RBFOX1: variants seen among roughly 807,000 people sequenced by gnomAD.
The protein encoded by RBFOX1 is RNA binding fox-1 homolog 1.
In RBFOX1, 8 loss-of-function variants were observed where a neutral mutation model predicts 57.7. The ratio of observed to expected loss-of-function variants is 0.14; its 90% CI spans 0.08 to 0.25. The LOEUF (loss-of-function observed/expected upper bound fraction) is 0.25, where lower values mean the gene tolerates loss of function less well. RBFOX1 is among the 10% of genes least tolerant of loss of function. The pLI is 1.00. For missense variants in RBFOX1, 611 were observed against 548.5 expected, an observed-to-expected ratio of 1.11 and a Z score of -1.14; for synonymous variants, 326 against 222.4, an observed-to-expected ratio of 1.47 and a Z score of -4.15.
intron 3 of RBFOX1, among the ~76,000 whole-genome samples, chr16:6,829,194 T>C (rs142910278): frequency 0.012 from 1,758 of 151,202 alleles, 43 homozygotes; most frequent in African/African-American, 0.041. Flanking sequence ...GTCAGATGTG[T>C]CATTTGACCC....
chr16:7,432,930 G>A (rs1018091003), intron 4 of RBFOX1, among the ~76,000 whole-genome samples: 1 of 152,214 alleles, frequency 6.6e-6, no homozygotes, highest in Non-Finnish European at 1.5e-5. Context: ...AGGATTCAAT[G>A]TGTCAAGTGG....
At chr16:6,105,734 A>G (rs1200950635) in intron 1 of RBFOX1, among the ~76,000 whole-genome samples, 2 of 151,964 alleles carry the variant, frequency 1.3e-5, no homozygotes, top group East Asian at 1.9e-4. Flanking sequence ...TGTGTCTAGA[A>G]TAGTTAATAA....
chr16:6,348,206 G>A (rs891943322), intron 2 of RBFOX1, among the ~76,000 whole-genome samples: 1 of 152,146 alleles, frequency 6.6e-6, no homozygotes, highest in Admixed American at 6.5e-5. Flanking sequence ...GCACATGTGG[G>A]GTCAGGCCAT....
chr16:5,966,945 A>T (rs2059855610), intron 4 of RBFOX1, among the ~76,000 whole-genome samples: 2 of 133,590 alleles, frequency 1.5e-5, no homozygotes, highest in African/African-American at 5.5e-5. Context: ...TCTCCAGTCT[A>T]ACACTGATTG....
At chr16:6,971,943 G>A (rs1319652940) in intron 3 of RBFOX1, among the ~76,000 whole-genome samples, 3 of 152,106 alleles carry the variant, frequency 2.0e-5, no homozygotes, top group Non-Finnish European at 2.9e-5. Flanking sequence ...CTTGAGATGC[G>A]GGAGAATGTG....
chr16:6,955,364 ACACAC>A (rs2081575540), intron 3 of RBFOX1, among the ~76,000 whole-genome samples: 1 of 151,788 alleles, frequency 6.6e-6, no homozygotes, highest in Non-Finnish European at 1.5e-5. Flanking sequence ...ACACACACAC[ACACAC>A]ACACGTGCAC....
At chr16:5,275,894 C>T (rs1039582234) in intron 1 of RBFOX1, among the ~76,000 whole-genome samples, 7 of 152,102 alleles carry the variant, frequency 4.6e-5, no homozygotes, top group Admixed American at 3.3e-4. Flanking sequence ...TAATTAATAG[C>T]CAACTGATCT....
chr16:5,466,134 T>A (rs1353161745), intron 1 of RBFOX1, among the ~76,000 whole-genome samples: 1 of 152,188 alleles, frequency 6.6e-6, no homozygotes, highest in Non-Finnish European at 1.5e-5. Context: ...CTTGTTCAAT[T>A]CTGGAATACG....
At chr16:7,063,421 T>C (rs182479601) in intron 4 of RBFOX1, among the ~76,000 whole-genome samples, 1 of 152,254 alleles carries the variant, frequency 6.6e-6, no homozygotes, top group Admixed American at 6.5e-5. Context: ...GCCAACTTCT[T>C]CCTTCTCAGA....
chr16:5,815,002 T>A (rs971661072), intron 3 of RBFOX1, among the ~76,000 whole-genome samples: 3 of 151,720 alleles, frequency 2.0e-5, no homozygotes, highest in South Asian at 2.1e-4. Flanking sequence ...TTTTTTTTTT[T>A]AAATGAGGTC....
chr16:5,371,023 C>T (rs770822066), intron 1 of RBFOX1, among the ~76,000 whole-genome samples: 2 of 152,230 alleles, frequency 1.3e-5, no homozygotes, highest in African/African-American at 4.8e-5. Context: ...TCTTGGCTCA[C>T]TGCAACCTCT....
At chr16:6,933,121 C>A (rs897312083) in intron 3 of RBFOX1, among the ~76,000 whole-genome samples, 1 of 152,166 alleles carries the variant, frequency 6.6e-6, no homozygotes, top group East Asian at 1.9e-4. Flanking sequence ...GTGTAAACCA[C>A]ATTTCTCTTA....
At chr16:5,951,842 T>C (rs891242862) in intron 4 of RBFOX1, among the ~76,000 whole-genome samples, 1 of 151,130 alleles carries the variant, frequency 6.6e-6, no homozygotes, top group Non-Finnish European at 1.5e-5. Flanking sequence ...TTTCCAAAAG[T>C]AGTGTGTGCG....
At chr16:5,737,521 T>C (rs2052620784) in intron 3 of RBFOX1, among the ~76,000 whole-genome samples, 1 of 135,690 alleles carries the variant, frequency 7.4e-6, no homozygotes. Context: ...AAAAATATTC[T>C]GGATTTTTTT....
At chr16:5,964,312 A>G (rs191343555) in intron 4 of RBFOX1, among the ~76,000 whole-genome samples, 2 of 152,328 alleles carry the variant, frequency 1.3e-5, no homozygotes, top group East Asian at 3.9e-4. Context: ...GTAAATTGGT[A>G]CAGCCATTAT....
At chr16:6,967,936 G>A (rs1051396515) in intron 3 of RBFOX1, among the ~76,000 whole-genome samples, 1 of 152,122 alleles carries the variant, frequency 6.6e-6, no homozygotes, top group Admixed American at 6.5e-5. Flanking sequence ...CAGCTGCCCC[G>A]GGTGCCAGAA....
At chr16:6,222,407 G>GTT (rs1323889263) in intron 1 of RBFOX1, among the ~76,000 whole-genome samples, 1 of 151,892 alleles carries the variant, frequency 6.6e-6, no homozygotes, top group Non-Finnish European at 1.5e-5. Flanking sequence ...AGTGATGTAC[G>GTT]TTTTCCCTTC....
chr16:7,083,931 G>C (rs2059588888), intron 4 of RBFOX1, among the ~76,000 whole-genome samples: 1 of 152,088 alleles, frequency 6.6e-6, no homozygotes, highest in South Asian at 2.1e-4. Context: ...CCCACCTAGA[G>C]GTACCATGCA....
chr16:7,527,235 C>G (rs1240320588), intron 5 of RBFOX1, among the ~76,000 whole-genome samples: 1 of 152,128 alleles, frequency 6.6e-6, no homozygotes, highest in Non-Finnish European at 1.5e-5. Context: ...AGCCTGAGCA[C>G]TATGCTTCTC....
Sources: allele counts gnomAD v4.1 joint callset (sites outside exome capture counted in the v4.1 genomes callset), GRCh38; gene constraint gnomAD v4.1.1; transcripts MANE v1.5; gene names NCBI Gene and HGNC (gene_info 2026-07-23, HGNC 2026-07-21).